Variants in PIK3R5 observed in about 807,000 individuals in gnomAD.
PIK3R5 encodes the protein phosphoinositide 3-kinase regulatory subunit 5.
PIK3R5 carries 32 observed loss-of-function variants against 94.9 expected under a neutral mutation model. The ratio of observed to expected loss-of-function variants is 0.34; its 90% CI spans 0.25 to 0.45. The LOEUF is 0.45. Among genes scored for constraint, PIK3R5 ranks in the 20% least tolerant of loss-of-function variants. The probability of loss-of-function intolerance (pLI) is 1.00; values close to 1 mark genes in which losing one functional copy is unlikely to be tolerated. For missense variants in PIK3R5, 853 were observed against 1,144.6 expected, an observed-to-expected ratio of 0.75 and a Z score of 3.68; for synonymous variants, 443 against 479.4, an observed-to-expected ratio of 0.92 and a Z score of 0.99.
Position 8,889,786 on chromosome 17 carries a change from C to T in PIK3R5, c.811+187G>A, listed in dbSNP as rs2089977030. On this transcript the variant is annotated intron_variant, in intron 8 of 18. Coordinates refer to ENST00000447110, the MANE Select transcript of PIK3R5 (RefSeq NM_001142633.3). This position sits in a 1 kb window ranked among gnomAD's most constrained non-coding sequence, Gnocchi z 4.1. ...CACAAGCTGCCATCATGATAGCACC[C>T]CCACCCTGCCCCTATAGACAGGAAT... is the stretch of plus-strand genomic sequence containing the variant. Among the ~76,000 whole-genome samples, 1 of 152,130 alleles carries T rather than the reference C, an allele frequency of 6.6e-6. No homozygotes were observed. Among genetic ancestry groups the T allele is most frequent in the Non-Finnish European group, 1.5e-5 (1 of 68,014 alleles).
In PIK3R5 at chr17:8,884,877, T is replaced by G; in HGVS notation, c.2129-94A>C. 2.0e-6 allele frequency: 2 copies of G among 980,818 alleles called. No individual in the cohort carries two copies. The highest frequency in any genetic ancestry group is 4.8e-5 in the East Asian group (2 of 41,280). The allele number at this position is 980,818 out of a possible 1,614,324, so 60.8% of individuals were successfully genotyped here. On this transcript the variant is annotated intron_variant, in intron 14 of 18. Coordinates refer to ENST00000447110, the MANE Select transcript of PIK3R5 (RefSeq NM_001142633.3). This position sits in a 1 kb window ranked among gnomAD's most constrained non-coding sequence, Gnocchi z 5.8. ...TGCCTCCCTGGGCCTTACCTCCCCA[T>G]CCCCTACCACATGGACCGTGACTCC...
intron 3 of PIK3R5, among the ~76,000 whole-genome samples, chr17:8,906,689 C>T (rs182779843): frequency 2.0e-5 from 3 of 152,074 alleles, no homozygotes; most frequent in Non-Finnish European, 4.4e-5. Context: ...TCGAGACCAG[C>T]CTGACCAACA....
At chr17:8,939,422 T>TA in intron 1 of PIK3R5, among the ~76,000 whole-genome samples, 1 of 152,316 alleles carries the variant, frequency 6.6e-6, no homozygotes. Flanking sequence ...TACACTGAAA[T>TA]ACAATGGTCA....
rs1000680748 is a variant in PIK3R5 at position 8,931,620 on chromosome 17, G to A, written c.-13-20113C>T. On this transcript the variant is annotated intron_variant, in intron 1 of 18. Coordinates refer to ENST00000447110, the MANE Select transcript of PIK3R5 (RefSeq NM_001142633.3). ...TTGGAACTCTACAAATGGCTGGACT[G>A]TGTGGGGCAAGGAACTGGAAAAGAG... Among the ~76,000 whole-genome samples, 22 of 152,326 alleles carry A rather than the reference G, an allele frequency of 1.4e-4. No individual in the cohort carries two copies. The Middle Eastern group carries it at 0.01, about 71-fold the overall frequency.
At chr17:8,903,352 A>G (rs2090330832) in intron 5 of PIK3R5, among the ~76,000 whole-genome samples, 1 of 151,686 alleles carries the variant, frequency 6.6e-6, no homozygotes, top group Non-Finnish European at 1.5e-5. Context: ...TTTAATAACT[A>G]TAGCCCTATA....
At chr17:8,928,270 G>A (rs1167134223) in intron 1 of PIK3R5, among the ~76,000 whole-genome samples, 2 of 152,178 alleles carry the variant, frequency 1.3e-5, no homozygotes, top group African/African-American at 4.8e-5. Context: ...GGCAATGGAG[G>A]CTGAGTGTGG....
At chr17:8,905,831 C>CTTTT in intron 3 of PIK3R5, 94 bp from the exon 4 acceptor site, 11 of 381,342 alleles carry the variant, frequency 2.9e-5, no homozygotes, top group East Asian at 5.0e-5. Context: ...TCTAGCCTTT[C>CTTTT]TTTTTTTTTT....
rs879507959 is a variant in PIK3R5, at chr17:8,890,142, G to A, written c.658-16C>T. ...GGGTCTTGGCCTGAAACCCCAGGAG[G>A]AGATGGGCTTTGCTCCTGGACCGTG... On this transcript the variant is annotated splice_polypyrimidine_tract_variant and intron_variant, in intron 7 of 18. Coordinates refer to ENST00000447110, the MANE Select transcript of PIK3R5 (RefSeq NM_001142633.3). The surrounding 1 kb of genome is among the most constrained non-coding windows in gnomAD (Gnocchi z 6.1). The A allele has an allele frequency of 1.1e-5, 18 of 1,613,146 alleles. No individual in the cohort carries two copies. The highest frequency in any genetic ancestry group is 1.5e-5 in the Non-Finnish European group (18 of 1,179,602).
chr17:8,935,856 T>C lies in PIK3R5; in HGVS notation c.-13-24349A>G, dbSNP rs1257684459. Among the ~76,000 whole-genome samples the C allele has an allele frequency of 2.6e-5, 4 of 152,014 alleles. No individual in the cohort carries two copies. Among genetic ancestry groups the C allele is most frequent in the African/African-American group, 9.7e-5 (4 of 41,392 alleles). On this transcript the variant is annotated intron_variant, in intron 1 of 18. Coordinates refer to ENST00000447110, the MANE Select transcript of PIK3R5 (RefSeq NM_001142633.3). The surrounding 1 kb of genome is among the most constrained non-coding windows in gnomAD (Gnocchi z 4.5). ...GATCACGAGGTCAGGAGATCGAGAC[T>C]ATACTGGCTAACGCAGTGAAACCCG... is the stretch of plus-strand genomic sequence containing the variant.
At chr17:8,933,300 A>G (rs1349116309) in intron 1 of PIK3R5, among the ~76,000 whole-genome samples, 1 of 152,172 alleles carries the variant, frequency 6.6e-6, no homozygotes, top group Non-Finnish European at 1.5e-5. Context: ...ATTTTTCATG[A>G]AAAGAACTAT....
intron 1 of PIK3R5, among the ~76,000 whole-genome samples, chr17:8,951,806 C>T (rs1444805087): frequency 1.3e-5 from 2 of 152,216 alleles, no homozygotes; most frequent in African/African-American, 4.8e-5. Flanking sequence ...GTGGATGAGA[C>T]TCAAAATTGT....
chr17:8,938,769 G>C (rs542158058), intron 1 of PIK3R5, among the ~76,000 whole-genome samples: 2 of 152,298 alleles, frequency 1.3e-5, no homozygotes, highest in South Asian at 4.1e-4. Context: ...GAATTTCTCA[G>C]ATACACTTGA....
chr17:8,937,793 C>A (rs886191095), intron 1 of PIK3R5, among the ~76,000 whole-genome samples: 1 of 152,132 alleles, frequency 6.6e-6, no homozygotes, highest in Non-Finnish European at 1.5e-5. Flanking sequence ...CTGGAATGGA[C>A]TGTAGAGAGT....
At position 8,881,598 on chromosome 17, in the gene PIK3R5, G is replaced by T. The variant is rs1597460463; in HGVS notation, c.2382+32C>A. On this transcript the variant is annotated intron_variant, in intron 17 of 18. Transcript: ENST00000447110. The surrounding 1 kb of genome is among the most constrained non-coding windows in gnomAD (Gnocchi z 4.8). ...ATGCACGCTCCAGTAAGTCTCTTGA[G>T]GGTATGGCTGGAAGGAGAGGGAAGC... 2 of 1,533,420 alleles carry T rather than the reference G, an allele frequency of 1.3e-6. No individual in the cohort carries two copies. The highest frequency in any genetic ancestry group is 4.5e-5 in the East Asian group (2 of 44,272). The allele number at this position is 1,533,420 out of a possible 1,614,324, so 95.0% of individuals were successfully genotyped here. A position where few individuals can be genotyped will look rare whatever the true frequency, so the allele number is the denominator to read the frequency against.
At chr17:8,927,839 C>G (rs1032480309) in intron 1 of PIK3R5, among the ~76,000 whole-genome samples, 4 of 152,064 alleles carry the variant, frequency 2.6e-5, no homozygotes, top group Admixed American at 2.6e-4. Flanking sequence ...TGAGTGAGTA[C>G]TCACTCTTCA....
chr17:8,926,082 G>C (rs2090878094), intron 1 of PIK3R5, among the ~76,000 whole-genome samples: 1 of 152,206 alleles, frequency 6.6e-6, no homozygotes, highest in Admixed American at 6.5e-5. Context: ...TGCAGCTCAT[G>C]AGCAGGAGGA....
rs754721776 is a variant in PIK3R5, at chr17:8,888,733, A to G, written c.1054T>C (p.Leu352=). The G allele has an allele frequency of 1.9e-6, 3 of 1,613,774 alleles. No homozygotes were observed. The East Asian group carries it at 6.7e-5, about 36-fold the overall frequency. ...ERDSLLSTSS[L]ASHDSTLSLA... ...GACAAGGTGGAGTCATGGGACGCCA[A>G]AGAGCTGGTGGAGAGCAGGGAATCT... Residue 352 remains leucine (L), a synonymous_variant, in exon 10 of 19, where the codon TTG becomes CTG. Coordinates refer to ENST00000447110, the MANE Select transcript of PIK3R5 (RefSeq NM_001142633.3). The surrounding 1 kb of genome is among the most constrained non-coding windows in gnomAD (Gnocchi z 7.8).
intron 1 of PIK3R5, among the ~76,000 whole-genome samples, chr17:8,933,858 A>G (rs2091027103): frequency 6.6e-6 from 1 of 152,204 alleles, no homozygotes; most frequent in Admixed American, 6.5e-5. Context: ...GAGTGAAAAA[A>G]AATCACATAA....
intron 1 of PIK3R5, among the ~76,000 whole-genome samples, chr17:8,954,706 C>A (rs900027928): frequency 3.3e-5 from 5 of 152,052 alleles, no homozygotes; most frequent in African/African-American, 1.2e-4. Context: ...GAGGCCGAGG[C>A]GGGTAGATCA....
Sources: gnomAD v4.1 joint callset for allele counts (sites outside exome capture counted in the v4.1 genomes callset) on GRCh38, gnomAD v4.1.1 for gene constraint, Gnocchi (gnomAD v3.1) non-coding constraint, MANE v1.5 for transcripts, NCBI Gene and HGNC (gene_info 2026-07-23, HGNC 2026-07-21) for gene names.